SAMMSON: variants seen among roughly 807,000 people sequenced by gnomAD.
The protein encoded by SAMMSON is long intergenic non-protein coding RNA 1212.
At chr3:70,034,705 A>C (rs1435797182) in intron 3 of SAMMSON, among the ~76,000 whole-genome samples, 1 of 152,166 alleles carries the variant, frequency 6.6e-6, no homozygotes, top group East Asian at 1.9e-4. Flanking sequence ...TTAGCTGGGC[A>C]TGGTAGCGGG....
At position 70,052,843 on chromosome 3, in the gene SAMMSON, C is replaced by T. The variant is rs1397454086; in HGVS notation, n.418-18633C>T. On this transcript the variant is annotated intron_variant and non_coding_transcript_variant, in intron 3 of 9. Transcript: ENST00000642114. ...GACAAAATTGCCCTCATTTGAGAAG[C>T]ACTGGCTTAGATTGATATATATGTA... Among the ~76,000 whole-genome samples the T allele has an allele frequency of 2.0e-5, 3 of 152,120 alleles. No homozygotes were observed. In the East Asian group the frequency reaches 5.8e-4, roughly 29 times the overall value.
At chr3:70,160,630 C>A (rs2067610898) in intron 4 of SAMMSON, among the ~76,000 whole-genome samples, 2 of 152,128 alleles carry the variant, frequency 1.3e-5, no homozygotes, top group Admixed American at 1.3e-4. Context: ...AAGTGAAAGT[C>A]CTCTAACTTG....
chr3:70,423,483 T>C (rs1459830704), intron 2 of SAMMSON, among the ~76,000 whole-genome samples: 2 of 152,160 alleles, frequency 1.3e-5, no homozygotes, highest in Non-Finnish European at 2.9e-5. Flanking sequence ...TTCTACCTAA[T>C]AGCGTCTGCG....
intron 7 of SAMMSON, among the ~76,000 whole-genome samples, chr3:70,336,098 T>A (rs1204094135): frequency 3.3e-5 from 5 of 152,008 alleles, no homozygotes. Flanking sequence ...TTTTAAAGAA[T>A]CACTGTACAA....
chr3:70,180,824 T>A (rs1268171112), intron 4 of SAMMSON, among the ~76,000 whole-genome samples: 1 of 152,080 alleles, frequency 6.6e-6, no homozygotes, highest in Non-Finnish European at 1.5e-5. Context: ...CTGCGAAGGC[T>A]AAGAAAAGTT....
At chr3:70,416,064 T>C (rs922072295) in intron 2 of SAMMSON, among the ~76,000 whole-genome samples, 1 of 152,124 alleles carries the variant, frequency 6.6e-6, no homozygotes, top group Non-Finnish European at 1.5e-5. Flanking sequence ...TAGAGGAGAA[T>C]GATAATGGGC....
chr3:70,301,499 C>T (rs1298113784), intron 7 of SAMMSON, among the ~76,000 whole-genome samples: 1 of 152,066 alleles, frequency 6.6e-6, no homozygotes, highest in Non-Finnish European at 1.5e-5. Flanking sequence ...ATGGGAATCT[C>T]TGTGTATTCC....
At chr3:70,143,166 A>G (rs764952910) in intron 4 of SAMMSON, among the ~76,000 whole-genome samples, 1 of 152,290 alleles carries the variant, frequency 6.6e-6, no homozygotes, top group South Asian at 2.1e-4. Context: ...AAATGCAAGT[A>G]TAGTTCTTGT....
chr3:70,221,835 T>C (rs188558917), intron 4 of SAMMSON, among the ~76,000 whole-genome samples: 140 of 152,306 alleles, frequency 9.2e-4, no homozygotes, highest in African/African-American at 3.3e-3. Context: ...ATTTTTTGGC[T>C]GGGGCAAAAG....
At chr3:70,031,873 C>T (rs1192954634) in intron 3 of SAMMSON, among the ~76,000 whole-genome samples, 1 of 152,092 alleles carries the variant, frequency 6.6e-6, no homozygotes, top group Non-Finnish European at 1.5e-5. Flanking sequence ...CAGTACCAGG[C>T]TCACAGTAAG....
At chr3:70,045,535 T>A (rs1038201142) in intron 3 of SAMMSON, among the ~76,000 whole-genome samples, 1 of 151,728 alleles carries the variant, frequency 6.6e-6, no homozygotes, top group African/African-American at 2.4e-5. Flanking sequence ...AACCCCCTTT[T>A]TCTTTGAGGG....
At chr3:70,260,466 C>T (rs1443613174) in intron 6 of SAMMSON, among the ~76,000 whole-genome samples, 1 of 152,050 alleles carries the variant, frequency 6.6e-6, no homozygotes, top group South Asian at 2.1e-4. Flanking sequence ...TTTTTACATC[C>T]CCTCAGTTCA....
intron 9 of SAMMSON, among the ~76,000 whole-genome samples, chr3:70,361,627 T>A (rs937728488): frequency 2.0e-5 from 3 of 152,170 alleles, no homozygotes; most frequent in Non-Finnish European, 4.4e-5. Flanking sequence ...ATAAATAGAA[T>A]CCTAATGTCT....
chr3:70,173,411 A>T (rs1700978338), intron 4 of SAMMSON, among the ~76,000 whole-genome samples: 1 of 152,002 alleles, frequency 6.6e-6, no homozygotes, highest in African/African-American at 2.4e-5. Flanking sequence ...GGATATTTCA[A>T]ATAATGATAT....
chr3:70,157,021 A>G (rs1267345135), intron 4 of SAMMSON, among the ~76,000 whole-genome samples: 1 of 152,104 alleles, frequency 6.6e-6, no homozygotes, highest in African/African-American at 2.4e-5. Context: ...AATATCTACT[A>G]GTCTTGGATT....
At chr3:70,213,518 A>G (rs1267396102) in intron 4 of SAMMSON, among the ~76,000 whole-genome samples, 1 of 152,124 alleles carries the variant, frequency 6.6e-6, no homozygotes, top group African/African-American at 2.4e-5. Flanking sequence ...TTAGTACTGT[A>G]GTTATCCGTG....
chr3:70,238,999 T>C (rs964957715), intron 4 of SAMMSON, among the ~76,000 whole-genome samples: 1 of 152,194 alleles, frequency 6.6e-6, no homozygotes, highest in African/African-American at 2.4e-5. Context: ...AGAGTGGAAA[T>C]GTTTAATTTT....
intron 1 of SAMMSON, among the ~76,000 whole-genome samples, chr3:70,000,578 GTA>G (rs1226964772): frequency 6.6e-6 from 1 of 152,140 alleles, no homozygotes; most frequent in Non-Finnish European, 1.5e-5. Context: ...TAGCAGGAGT[GTA>G]TAAAACATTT....
At chr3:70,169,483 A>G (rs2067652750) in intron 4 of SAMMSON, among the ~76,000 whole-genome samples, 1 of 151,994 alleles carries the variant, frequency 6.6e-6, no homozygotes, top group Non-Finnish European at 1.5e-5. Flanking sequence ...TGCAATTCAC[A>G]CTAGAGACAT....
Sources: gnomAD v4.1 joint callset for allele counts (sites outside exome capture counted in the v4.1 genomes callset) on GRCh38, gnomAD v4.1.1 for gene constraint, MANE v1.5 for transcripts, NCBI Gene and HGNC (gene_info 2026-07-23, HGNC 2026-07-21) for gene names.